GPN2: variants seen among roughly 807,000 people sequenced by gnomAD.
GPN2 encodes ATP-binding domain 1 family member B.
Under a neutral mutation model 30.1 loss-of-function variants are expected in GPN2, and 27 were observed. The observed-to-expected ratio is 0.90, with a 90% CI of 0.66 to 1.24. The LOEUF (loss-of-function observed/expected upper bound fraction) is 1.24. Among genes scored for constraint, GPN2 ranks in the 50% most tolerant of loss-of-function variants. The pLI, the probability that GPN2 is intolerant of heterozygous loss-of-function variation, is 0.00. For missense variants in GPN2, 406 were observed against 405.4 expected (o/e 1.00, Z -0.01); for synonymous variants, 212 against 174.4 (o/e 1.22, Z -1.70).
rs1206985486 is a variant in GPN2 at position 26,879,361 on chromosome 1, AG to A, written c.*315del. 1 of 306,238 alleles carries A rather than the reference AG, an allele frequency of 3.3e-6. No homozygotes were observed. The highest frequency in any genetic ancestry group is 2.1e-5 in the African/African-American group (1 of 48,076). The allele number at this position is 306,238 out of a possible 1,614,324, so 19.0% of individuals were successfully genotyped here. ...CCCTGGGCCCGGAAGACTGAAGAAA[AG>A]TTTGGAAGTCACAAAAAGTAGAAAA... On this transcript the variant is annotated 3_prime_UTR_variant, in exon 5 of 5. Coordinates refer to ENST00000374135, the MANE Select transcript of GPN2 (RefSeq NM_018066.4).
chr1:26,888,063 T>C (rs1435730925), intron 2 of GPN2, among the ~76,000 whole-genome samples: 1 of 151,824 alleles, frequency 6.6e-6, no homozygotes, highest in East Asian at 1.9e-4. Context: ...TTTCTCCATG[T>C]TGGTCAAGCT....
Position 26,879,511 on chromosome 1 carries a change from A to T in GPN2, c.*166T>A, listed in dbSNP as rs894776515. ...TATGGGGGGTGTTCTGCTTGGCACC[A>T]TGTCTGGCTTTTTGGCCAGAAGTCC... is the stretch of plus-strand genomic sequence containing the variant. On this transcript the variant is annotated 3_prime_UTR_variant, in exon 5 of 5. Coordinates refer to ENST00000374135, the MANE Select transcript of GPN2 (RefSeq NM_018066.4). 1.6e-6 allele frequency: 1 copy of T among 627,336 alleles called. No individual in the cohort carries two copies. The highest frequency in any genetic ancestry group is 1.8e-5 in the African/African-American group (1 of 55,056). The allele number at this position is 627,336 out of a possible 1,614,324, so 38.9% of individuals were successfully genotyped here. A position where few individuals can be genotyped will look rare whatever the true frequency, so the allele number is the denominator to read the frequency against.
rs553400729 is a variant in GPN2 at position 26,882,389 on chromosome 1, C to T, written c.860+1771G>A. Among the ~76,000 whole-genome samples, 12 of 152,128 alleles carry T rather than the reference C, an allele frequency of 7.9e-5. 1 individual carries two copies. The highest frequency in any genetic ancestry group is 2.9e-4 in the African/African-American group (12 of 41,520). ...TAAATTTAAAAAAAAAATTGCTCCT[C>T]CCCTCTTTTGCTGAGCACATGCAGT... On this transcript the variant is annotated intron_variant, in intron 4 of 4. Transcript: ENST00000374135.
At chr1:26,881,900 A>T (rs180874021) in intron 4 of GPN2, among the ~76,000 whole-genome samples, 1 of 152,224 alleles carries the variant, frequency 6.6e-6, no homozygotes, top group Admixed American at 6.5e-5. Flanking sequence ...AAGGAGCAAG[A>T]CCCTGCCTCT....
Position 26,879,275 on chromosome 1 carries a change from T to C in GPN2, c.*402A>G. The C allele has an allele frequency of 5.3e-6, 1 of 188,670 alleles. No homozygotes were observed. The highest frequency in any genetic ancestry group is 1.1e-5 in the Non-Finnish European group (1 of 88,364). The allele number at this position is 188,670 out of a possible 1,614,324, so 11.7% of individuals were successfully genotyped here. On this transcript the variant is annotated 3_prime_UTR_variant, in exon 5 of 5. Transcript: ENST00000374135. ...CCTATGTGACTGAATGTGAATTATA[T>C]GCTTTGGGGAAATACTGATTATTCC...
rs759638623 is a variant in GPN2 at position 26,884,309 on chromosome 1, A to C, written c.730-19T>G. ...CCTTGTCCTGAGCAGGGAGGAGAGA[A>C]ACAGTTCTGTGAGTGAAACAGAAGT... is the stretch of plus-strand genomic sequence containing the variant. On this transcript the variant is annotated intron_variant, in intron 3 of 4. Coordinates refer to ENST00000374135, the MANE Select transcript of GPN2 (RefSeq NM_018066.4). 5 of 1,596,072 alleles carry C rather than the reference A, an allele frequency of 3.1e-6. No homozygotes were observed. In the African/African-American group the frequency reaches 4.1e-5, roughly 13 times the overall value.
chr1:26,883,432 C>G (rs1002009229), intron 4 of GPN2, among the ~76,000 whole-genome samples: 7 of 152,180 alleles, frequency 4.6e-5, no homozygotes, highest in Non-Finnish European at 7.3e-5. Flanking sequence ...ACTCTGAAGC[C>G]AAGGGACCAC....
Position 26,890,057 on chromosome 1 carries a change from C to T in GPN2, c.40G>A (p.Val14Met). ...TTCCCTGAGCCCGGCGGGCCGATCA[C>T]CGCCTGCCCGAAGGCCGTGGTCGGA... is the stretch of plus-strand genomic sequence containing the variant. ...AAPTTAFGQAVIGPPGSGKTT... is the reference protein window; with the variant it reads ...AAPTTAFGQAMIGPPGSGKTT... Residue 14 changes from valine (V) to methionine (M), a missense_variant, in exon 1 of 5, where the codon GTG becomes ATG. Physicochemically the swap from Val to Met is conservative, Grantham distance 21. Coordinates refer to ENST00000374135, the MANE Select transcript of GPN2 (RefSeq NM_018066.4). 1 of 1,576,270 alleles carries T rather than the reference C, an allele frequency of 6.3e-7. No individual in the cohort carries two copies. Among genetic ancestry groups the T allele is most frequent in the Non-Finnish European group, 8.6e-7 (1 of 1,166,320 alleles).
Position 26,878,028 on chromosome 1 carries a change from T to A in GPN2, c.*1649A>T, listed in dbSNP as rs960200243. 2.6e-5 allele frequency: 4 copies of A among 151,958 alleles called. No homozygotes were observed. Among genetic ancestry groups the A allele is most frequent in the African/African-American group, 9.7e-5 (4 of 41,360 alleles). The allele number at this position is 151,958 out of a possible 1,614,324, so 9.4% of individuals were successfully genotyped here. On this transcript the variant is annotated 3_prime_UTR_variant, in exon 5 of 5. Transcript: ENST00000374135. ...GCCTGGGCGACAGAGAGAGACTTTGTCTCCAAAAAAAGAAAGTCCAAATAC... is the reference window on the plus strand; with the variant it reads ...GCCTGGGCGACAGAGAGAGACTTTGACTCCAAAAAAAGAAAGTCCAAATAC...
In GPN2 at chr1:26,879,146, G is replaced by A. The variant is rs2081852418; in HGVS notation, c.*531C>T. On this transcript the variant is annotated 3_prime_UTR_variant, in exon 5 of 5. Coordinates refer to ENST00000374135, the MANE Select transcript of GPN2 (RefSeq NM_018066.4). The stretch of plus-strand genomic sequence containing the variant: ...AGATCACATGAGCCCAGGAGTTTGA[G>A]TCCAGCCTGGGCCATATAGCAAGAC... The A allele has an allele frequency of 6.5e-6, 1 of 153,776 alleles. No homozygotes were observed. Among genetic ancestry groups the A allele is most frequent in the Non-Finnish European group, 1.4e-5 (1 of 68,994 alleles). The allele number at this position is 153,776 out of a possible 1,614,324, so 9.5% of individuals were successfully genotyped here. A position where few individuals can be genotyped will look rare whatever the true frequency, so the allele number is the denominator to read the frequency against.
chr1:26,879,629 T>G lies in GPN2; in HGVS notation c.*48A>C. The G allele has an allele frequency of 7.1e-7, 1 of 1,401,256 alleles. No homozygotes were observed. The highest frequency in any genetic ancestry group is 1.0e-6 in the Non-Finnish European group (1 of 990,206). 86.8% of individuals were successfully genotyped at this position (1,401,256 alleles called of 1,614,324 possible). On this transcript the variant is annotated 3_prime_UTR_variant, in exon 5 of 5. Coordinates refer to ENST00000374135, the MANE Select transcript of GPN2 (RefSeq NM_018066.4). ...CAGCCTGCATCAGGAGCCTCCACTT[T>G]CCCCAGTGCTGGATTATGCATCCTG...
At position 26,884,151 on chromosome 1, in the gene GPN2, C is replaced by CAAGGA; in HGVS notation, c.860+4_860+8dup. 1 of 1,608,844 alleles carries CAAGGA rather than the reference C, an allele frequency of 6.2e-7. No homozygotes were observed. Among genetic ancestry groups the CAAGGA allele is most frequent in the Non-Finnish European group, 8.5e-7 (1 of 1,177,218 alleles). ...CTCTCTGCTATGGCCAGGAAGCTGGCAAGGATACGAAGAGAAATGGAAGTC... is the reference window on the plus strand; with the variant it reads ...CTCTCTGCTATGGCCAGGAAGCTGGCAAGGAAAGGATACGAAGAGAAATGGAAGTC... On this transcript the variant is annotated intron_variant, in intron 4 of 4. Coordinates refer to ENST00000374135, the MANE Select transcript of GPN2 (RefSeq NM_018066.4).
chr1:26,880,355 C>G (rs2081858271), intron 4 of GPN2, among the ~76,000 whole-genome samples: 1 of 152,186 alleles, frequency 6.6e-6, no homozygotes, highest in Non-Finnish European at 1.5e-5. Context: ...ACTCTGTCAC[C>G]AAGCTGGAGT....
In GPN2 at chr1:26,890,239, ACC is replaced by A. The variant is rs2081915071; in HGVS notation, c.-145_-144del. ...ACTCGCCTCAGGCGGAACAGCTGAG[ACC>A]GTGTCGCGCAAAAGGAGATAACAGG... On this transcript the variant is annotated 5_prime_UTR_variant, in exon 1 of 5. Transcript: ENST00000374135. The A allele has an allele frequency of 2.8e-6, 2 of 708,638 alleles. No individual in the cohort carries two copies. Among genetic ancestry groups the A allele is most frequent in the African/African-American group, 3.7e-5 (2 of 54,586 alleles). 43.9% of individuals were successfully genotyped at this position (708,638 alleles called of 1,614,324 possible).
At chr1:26,879,875 G>A (rs183441402) in intron 4 of GPN2, 126 bp from the exon 5 acceptor site, 143 of 686,222 alleles carry the variant, frequency 2.1e-4, no homozygotes, top group Middle Eastern at 1.7e-3. Flanking sequence ...ATAATTATAG[G>A]GACCAATCAG....
intron 4 of GPN2, among the ~76,000 whole-genome samples, chr1:26,882,170 T>C (rs552007333): frequency 6.7e-6 from 1 of 150,166 alleles, no homozygotes; most frequent in African/African-American, 2.5e-5. Flanking sequence ...TGAGCTGAGA[T>C]TGCACCATTG....
intron 4 of GPN2, among the ~76,000 whole-genome samples, chr1:26,881,476 T>C (rs1275943184): frequency 6.6e-6 from 1 of 152,244 alleles, no homozygotes; most frequent in Non-Finnish European, 1.5e-5. Flanking sequence ...CATCATAAAG[T>C]TGAGCCATCA....
chr1:26,888,060 A>C (rs563715918), intron 2 of GPN2, among the ~76,000 whole-genome samples: 2 of 148,644 alleles, frequency 1.3e-5, no homozygotes, highest in African/African-American at 5.0e-5. Context: ...TGGTTTCTCC[A>C]TGTTGGTCAA....
Position 26,885,645 on chromosome 1 carries a change from T to C in GPN2, c.729+328A>G, listed in dbSNP as rs2081886693. ...CCCAGGCTGGAGAGCAATGGCGTGG[T>C]CTCGGCTCACTGCAAGCTCTGCCTC... On this transcript the variant is annotated intron_variant, in intron 3 of 4. Transcript: ENST00000374135. Among the ~76,000 whole-genome samples the C allele has an allele frequency of 2.0e-5, 3 of 149,806 alleles. No individual in the cohort carries two copies. In the South Asian group the frequency reaches 6.3e-4, roughly 31 times the overall value.
Sources: allele counts gnomAD v4.1 joint callset (sites outside exome capture counted in the v4.1 genomes callset), GRCh38; gene constraint gnomAD v4.1.1; transcripts MANE v1.5; gene names NCBI Gene and HGNC (gene_info 2026-07-23, HGNC 2026-07-21).